Variants in SETD5 observed in about 807,000 individuals in gnomAD.
The protein encoded by SETD5 is SET domain containing 5, also known as histone-lysine N-methyltransferase SETD5.
Under a neutral mutation model 153.3 loss-of-function variants are expected in SETD5, and 44 were observed. That is an observed-to-expected ratio of 0.29 (90% confidence interval 0.23 to 0.37). SETD5 has a LOEUF of 0.37. SETD5 is among the 10% of genes least tolerant of loss of function. SETD5 has a pLI of 1.00. For synonymous variants in SETD5, 716 were observed against 645.2 expected (o/e 1.11, Z -1.66); for missense variants, 1,544 against 1,768.0 (o/e 0.87, Z 2.27).
intron 1 of SETD5, among the ~76,000 whole-genome samples, chr3:9,409,226 T>A (rs1349090361): frequency 6.6e-6 from 1 of 152,214 alleles, no homozygotes; most frequent in Non-Finnish European, 1.5e-5. Context: ...GATGATATTT[T>A]CTTACTTCTT....
intron 18 of SETD5, among the ~76,000 whole-genome samples, chr3:9,469,022 A>T (rs2044981470): frequency 6.6e-6 from 1 of 152,154 alleles, no homozygotes; most frequent in African/African-American, 2.4e-5. Flanking sequence ...GGGTTAATCT[A>T]ACAGCTCTGT....
rs768464542 is a variant in SETD5 at position 9,475,039 on chromosome 3, G to C, written c.3632-29G>C. ...CTTACTTATTCTAAGAAGCCAAGTT[G>C]ATTTTTTTTTATATATGTTACCTTC... On this transcript the variant is annotated intron_variant, in intron 21 of 22. Transcript: ENST00000402198. 3 of 1,536,120 alleles carry C rather than the reference G, an allele frequency of 2.0e-6. No individual in the cohort carries two copies. The East Asian group carries it at 7.3e-5, about 37-fold the overall frequency.
At chr3:9,427,555 T>C (rs1050104866) in intron 2 of SETD5, among the ~76,000 whole-genome samples, 1 of 152,110 alleles carries the variant, frequency 6.6e-6, no homozygotes, top group African/African-American at 2.4e-5. Context: ...TCTCAAAAAA[T>C]AAAAATAAAA....
intron 1 of SETD5, among the ~76,000 whole-genome samples, chr3:9,422,823 TAAC>T (rs2124940102): frequency 6.6e-6 from 1 of 152,324 alleles, no homozygotes; most frequent in Non-Finnish European, 1.5e-5. Context: ...CATAGGCTGT[TAAC>T]AATTGTTTCT....
At chr3:9,437,562 T>C (rs2040736433) in intron 7 of SETD5, among the ~76,000 whole-genome samples, 1 of 151,810 alleles carries the variant, frequency 6.6e-6, no homozygotes, top group Admixed American at 6.6e-5. Context: ...TAAATATATA[T>C]ATATGAGGAA....
At chr3:9,427,374 ACTT>A (rs2039409865) in intron 2 of SETD5, among the ~76,000 whole-genome samples, 1 of 152,074 alleles carries the variant, frequency 6.6e-6, no homozygotes, top group Admixed American at 6.5e-5. Flanking sequence ...ACATAGTGAA[ACTT>A]CATCTCTACT....
chr3:9,407,875 C>T (rs2035955642), intron 1 of SETD5, among the ~76,000 whole-genome samples: 2 of 151,858 alleles, frequency 1.3e-5, no homozygotes, highest in African/African-American at 4.8e-5. Flanking sequence ...TGGCGCATGC[C>T]TATAATCCCA....
chr3:9,462,832 G>A (rs572809396), intron 17 of SETD5, among the ~76,000 whole-genome samples: 2 of 152,040 alleles, frequency 1.3e-5, no homozygotes, highest in Non-Finnish European at 2.9e-5. Context: ...ATATGGGGAT[G>A]ATAATAATAG....
intron 1 of SETD5, among the ~76,000 whole-genome samples, chr3:9,403,092 A>T (rs929054336): frequency 6.6e-6 from 1 of 152,138 alleles, no homozygotes; most frequent in African/African-American, 2.4e-5. Flanking sequence ...GAAAGGCAAG[A>T]GGAGGAGGTT....
chr3:9,464,782 A>G (rs760087044), intron 18 of SETD5, 110 bp downstream of exon 18: 14 of 1,540,088 alleles, frequency 9.1e-6, no homozygotes, highest in African/African-American at 2.7e-5. Context: ...TTTCTTCCCC[A>G]TCTCAGTAAG....
intron 18 of SETD5, among the ~76,000 whole-genome samples, chr3:9,466,064 G>A (rs550645724): frequency 8.6e-4 from 131 of 152,138 alleles, no homozygotes; most frequent in Middle Eastern, 3.4e-3. Context: ...TGAGGCAGGC[G>A]GATCACGAGG....
At chr3:9,399,845 G>T (rs7632847) in intron 1 of SETD5, among the ~76,000 whole-genome samples, 2 of 144,926 alleles carry the variant, frequency 1.4e-5, no homozygotes, top group Admixed American at 6.9e-5. Context: ...AAAAAAAAAA[G>T]TGTGTGTAAG....
chr3:9,425,064 T>TTTTTTTC (rs2038971236), intron 2 of SETD5, among the ~76,000 whole-genome samples: 5 of 144,858 alleles, frequency 3.5e-5, no homozygotes. Context: ...TCTTTTTTTT[T>TTTTTTTC]TTTTTTTTTT....
rs779381122 is a variant in SETD5 at position 9,447,204 on chromosome 3, C to A, written c.1679C>A (p.Thr560Asn). The A allele has an allele frequency of 6.2e-7, 1 of 1,614,044 alleles. No individual in the cohort carries two copies. Among genetic ancestry groups the A allele is most frequent in the Non-Finnish European group, 8.5e-7 (1 of 1,179,888 alleles). ...SETPVGEETKTEAPESEVSNS... is the reference protein window; with the variant it reads ...SETPVGEETKNEAPESEVSNS... ...ACTCCTGTTGGTGAAGAGACAAAAA[C>A]TGAAGCCCCTGAATCTGAAGTTAGC... is the stretch of plus-strand genomic sequence containing the variant. Residue 560 changes from threonine to asparagine, a missense_variant, in exon 14 of 23, where the codon ACT becomes AAT. Thr to Asn is a moderately conservative substitution (Grantham distance 65). Transcript: ENST00000402198.
In SETD5 at chr3:9,447,911, G is replaced by A. The variant is rs752053238; in HGVS notation, c.2008G>A (p.Glu670Lys). The change falls in exon 15 of 23, where the codon GAA becomes AAA. Residue 670 changes from glutamate to lysine, a missense_variant. Around this residue, in one of 9 missense-constraint regions of SETD5, gnomAD observed 782 missense variants for 787.2 expected, o/e 0.99. Transcript: ENST00000402198. ...TEAGSLDSSG[E>K]NRPLTGSDPT... ...AGCTGGAAGTCTAGACAGTTCAGGAGAAAACAGGCCATTAACAGGGTCTGA... is the reference window on the plus strand; with the variant it reads ...AGCTGGAAGTCTAGACAGTTCAGGAAAAAACAGGCCATTAACAGGGTCTGA... The A allele has an allele frequency of 7.4e-6, 12 of 1,613,852 alleles. No individual in the cohort carries two copies. Among genetic ancestry groups the A allele is most frequent in the African/African-American group, 1.3e-5 (1 of 74,930 alleles).
chr3:9,474,780 CT>C, intron 21 of SETD5, 198 bp downstream of exon 21: 1 of 718,750 alleles, frequency 1.4e-6, no homozygotes, highest in Non-Finnish European at 2.2e-6. Flanking sequence ...TCTGTCTGCT[CT>C]TTTTTCCCCA....
chr3:9,427,680 G>T (rs2039463433), intron 2 of SETD5, among the ~76,000 whole-genome samples: 3 of 152,082 alleles, frequency 2.0e-5, no homozygotes, highest in African/African-American at 7.2e-5. Flanking sequence ...TATCAGTCAT[G>T]ACTCTCTTTG....
chr3:9,441,867 A>G, intron 9 of SETD5, 126 bp downstream of exon 9: 2 of 1,154,560 alleles, frequency 1.7e-6, no homozygotes, highest in Non-Finnish European at 2.5e-6. Flanking sequence ...ATAAGCTCAC[A>G]CCTGTCTGCT....
rs372894361 is a variant in SETD5 at position 9,470,625 on chromosome 3, A to G, written c.2891A>G (p.Asp964Gly). 3 of 1,613,776 alleles carry G rather than the reference A, an allele frequency of 1.9e-6. No homozygotes were observed. Among genetic ancestry groups the G allele is most frequent in the African/African-American group, 2.7e-5 (2 of 74,874 alleles). Residue 964 changes from aspartate (D) to glycine (G), a missense_variant, in exon 19 of 23, where the codon GAT (aspartate) becomes GGT (glycine). Physicochemically the swap from Asp to Gly is moderately conservative, Grantham distance 94. Transcript: ENST00000402198. ...ACTGGTTTCCCAAGCAGAAGTGGAG[A>G]TGGACATCAGACCCTCGTGAGAAAC... ...SETGFPSRSG[D>G]GHQTLVRNSD...
Sources: gnomAD v4.1 joint callset for allele counts (sites outside exome capture counted in the v4.1 genomes callset) on GRCh38, gnomAD v4.1.1 for gene constraint, gnomAD v4.1.1 regional missense constraint, MANE v1.5 for transcripts, NCBI Gene and HGNC (gene_info 2026-07-23, HGNC 2026-07-21) for gene names.